The following PER2 variants were observed in gnomAD, a reference collection of about 807,000 sequenced individuals.
The protein encoded by PER2 is period circadian regulator 2, also known as period circadian protein homolog 2.
Under a neutral mutation model 121.0 loss-of-function variants are expected in PER2, and 66 were observed. That is an observed-to-expected ratio of 0.55 (90% confidence interval 0.45 to 0.67). The LOEUF is 0.67. PER2 is among the 30% of genes least tolerant of loss of function. The pLI, the probability that PER2 is intolerant of heterozygous loss-of-function variation, is 0.00. For synonymous variants in PER2, 684 were observed against 659.9 expected (o/e 1.04, Z -0.56); for missense variants, 1,521 against 1,635.0 (o/e 0.93, Z 1.20).
chr2:238,273,336 G>A (rs1240337871), intron 4 of PER2, 145 bp from the exon 5 acceptor site: 15 of 869,650 alleles, frequency 1.7e-5, no homozygotes, highest in Admixed American at 1.5e-4. Flanking sequence ...CAGAACATAC[G>A]GAAACGTGAA....
rs1201927712 is a variant in PER2 at position 238,268,551 on chromosome 2, A to G, written c.825-353T>C. ...CTCCTGACAGTGCAGCTGGATGCTC[A>G]ATCAGTCACCCTGGTTTGGACCAAG... On this transcript the variant is annotated intron_variant, in intron 7 of 22. Transcript: ENST00000254657. This position sits in a 1 kb window ranked among gnomAD's most constrained non-coding sequence, Gnocchi z 4.0. 1.3e-5 allele frequency among the ~76,000 whole-genome samples: 2 copies of G among 152,166 alleles called. No individual in the cohort carries two copies. The highest frequency in any genetic ancestry group is 4.8e-5 in the African/African-American group (2 of 41,432).
upstream of PER2, among the ~76,000 whole-genome samples, chr2:238,290,509 C>T (rs1464179143): frequency 6.6e-6 from 1 of 152,160 alleles, no homozygotes; most frequent in African/African-American, 2.4e-5. Context: ...AGCCTGCTAC[C>T]TGATGTCACA....
chr2:238,283,143 A>T (rs903432818), intron 1 of PER2, among the ~76,000 whole-genome samples: 2 of 152,214 alleles, frequency 1.3e-5, no homozygotes, highest in African/African-American at 4.8e-5. Context: ...GCTGGACAGG[A>T]GGCAAGGAGG....
chr2:238,266,731 T>A (rs1456807861), intron 8 of PER2, among the ~76,000 whole-genome samples: 1 of 152,178 alleles, frequency 6.6e-6, no homozygotes, highest in Non-Finnish European at 1.5e-5. Flanking sequence ...AAAATATTTC[T>A]ATCACTTTTA....
At chr2:238,257,375 T>G (rs906573503) in intron 16 of PER2, among the ~76,000 whole-genome samples, 24 of 152,238 alleles carry the variant, frequency 1.6e-4, no homozygotes, top group Non-Finnish European at 2.9e-4. Context: ...GCACACTTGG[T>G]GAGGGGCTCT....
intron 16 of PER2, 81 bp from the exon 17 acceptor site, chr2:238,257,167 C>G: frequency 7.6e-7 from 1 of 1,316,404 alleles, no homozygotes; most frequent in East Asian, 2.5e-5. Flanking sequence ...CCCAAGTGCC[C>G]ATACAGCTTC....
At chr2:238,291,713 G>C (rs902148656), upstream of PER2, among the ~76,000 whole-genome samples, 1 of 152,146 alleles carries the variant, frequency 6.6e-6, no homozygotes, top group African/African-American at 2.4e-5. Flanking sequence ...CTGACCTACG[G>C]CTGACCCCAG....
chr2:238,285,941 T>C (rs1024215676), intron 1 of PER2, among the ~76,000 whole-genome samples: 2 of 152,164 alleles, frequency 1.3e-5, no homozygotes, highest in African/African-American at 2.4e-5. Flanking sequence ...GAGAAAATGT[T>C]TGTCCTGCTA....
In PER2 at chr2:238,262,198, C is replaced by A; in HGVS notation, c.1300G>T (p.Val434Phe). 6.2e-7 allele frequency: 1 copy of A among 1,613,794 alleles called. No homozygotes were observed. Among genetic ancestry groups the A allele is most frequent in the Non-Finnish European group, 8.5e-7 (1 of 1,180,012 alleles). The change falls in exon 11 of 23, where the codon GTC becomes TTC. Residue 434 changes from valine (V) to phenylalanine (F), a missense_variant. Val to Phe is a conservative substitution (Grantham distance 50, BLOSUM62 -1). Transcript: ENST00000254657. ...KISFIIGRHK[V>F]RVGPLNEDVF... ...GGCCCTTGGAGCACTCACACCCTGA[C>A]TTTGTGCCTCCCAATGATGAAGGAG...
chr2:238,267,000 A>G (rs569410304), intron 8 of PER2, among the ~76,000 whole-genome samples: 25 of 151,464 alleles, frequency 1.7e-4, no homozygotes, highest in African/African-American at 6.1e-4. Flanking sequence ...GTGAGCCAAG[A>G]TAGCACCACT....
Position 238,288,384 on chromosome 2 carries a change from G to A in PER2, c.-55C>T, listed in dbSNP as rs921360512. Reference sequence around the variant, plus strand: ...TCAGGCTCCTGAGCTGCGAAGCGGGGGTTCGAGTCCCCAACCCTCGGTGTC... The same window carrying A: ...TCAGGCTCCTGAGCTGCGAAGCGGGAGTTCGAGTCCCCAACCCTCGGTGTC... On this transcript the variant is annotated 5_prime_UTR_variant, in exon 1 of 23. Coordinates refer to ENST00000254657, the MANE Select transcript of PER2 (RefSeq NM_022817.3). 1 of 152,284 alleles carries A rather than the reference G, an allele frequency of 6.6e-6. No homozygotes were observed. Among genetic ancestry groups the A allele is most frequent in the South Asian group, 2.1e-4 (1 of 4,836 alleles). The allele number at this position is 152,284 out of a possible 1,614,324, so 9.4% of individuals were successfully genotyped here. A position where few individuals can be genotyped will look rare whatever the true frequency, so the allele number is the denominator to read the frequency against.
chr2:238,286,506 G>C (rs1331121749), intron 1 of PER2, among the ~76,000 whole-genome samples: 2 of 152,228 alleles, frequency 1.3e-5, no homozygotes, highest in Non-Finnish European at 2.9e-5. Flanking sequence ...GGTCCCTAGG[G>C]GGGAGTGCGT....
intron 21 of PER2, among the ~76,000 whole-genome samples, chr2:238,250,067 A>G (rs1166979353): frequency 6.6e-6 from 1 of 152,202 alleles, no homozygotes; most frequent in African/African-American, 2.4e-5. Context: ...AAGGGACCAC[A>G]TGCAGTTCCC....
intron 4 of PER2, among the ~76,000 whole-genome samples, chr2:238,274,275 G>T (rs1044404416): frequency 3.9e-5 from 6 of 152,236 alleles, no homozygotes; most frequent in African/African-American, 1.4e-4. Flanking sequence ...CGGGAGCAAA[G>T]GGGCCAGCTC....
At chr2:238,278,604 C>T (rs1696533739) in intron 1 of PER2, among the ~76,000 whole-genome samples, 2 of 152,152 alleles carry the variant, frequency 1.3e-5, no homozygotes, top group African/African-American at 4.8e-5. Flanking sequence ...AGGTGATCTG[C>T]CTTTTATAAA....
the PER2 span, among the ~76,000 whole-genome samples, chr2:238,297,668 C>A: frequency 1.4e-4 from 22 of 152,166 alleles, no homozygotes; most frequent in African/African-American, 5.3e-4. Flanking sequence ...GAAGGGGGCC[C>A]AGATAGTCCC....
In PER2 at chr2:238,257,029, G is replaced by A. The variant is rs1052237520; in HGVS notation, c.1958C>T (p.Ser653Leu). ...SRTGVGTHLT[S>L]LALPGKAESV... is the part of the protein sequence containing the mutation. ...CTCTGCCTTGCCCGGCAGTGCCAGC[G>A]AGGTCAGGTGCGTACCTACTCCCGT... The change falls in exon 17 of 23, where the codon TCG (serine) becomes TTG (leucine). Residue 653 changes from serine (S) to leucine (L), a missense_variant. Physicochemically the swap from Ser to Leu is moderately radical, Grantham distance 145. Transcript: ENST00000254657. 13 of 1,613,254 alleles carry A rather than the reference G, an allele frequency of 8.1e-6. No individual in the cohort carries two copies. The highest frequency in any genetic ancestry group is 6.7e-5 in the African/African-American group (5 of 74,938).
rs1158545320 is a variant in PER2, at chr2:238,260,922, C to T, written c.1448G>A (p.Gly483Glu). 1 of 1,613,328 alleles carries T rather than the reference C, an allele frequency of 6.2e-7. No homozygotes were observed. ...GTGGGACCCGTTGCTGCCCAGACTCCCGTAGCCACTGGAGCCGCTGTGGGG... is the reference window on the plus strand; with the variant it reads ...GTGGGACCCGTTGCTGCCCAGACTCTCGTAGCCACTGGAGCCGCTGTGGGG... ...PVPHSGSSGYGSLGSNGSHEH... is the reference protein window; with the variant it reads ...PVPHSGSSGYESLGSNGSHEH... The change falls in exon 13 of 23, where the codon GGG becomes GAG. Residue 483 changes from glycine to glutamate, a missense_variant. Gly to Glu is a moderately conservative substitution (Grantham distance 98). Transcript: ENST00000254657.
At chr2:238,248,248 C>T (rs962419099) in intron 22 of PER2, among the ~76,000 whole-genome samples, 1 of 152,150 alleles carries the variant, frequency 6.6e-6, no homozygotes, top group Admixed American at 6.5e-5. Flanking sequence ...GTCCCTGGGA[C>T]GAGGACTGAG....
Sources: allele counts gnomAD v4.1 joint callset (sites outside exome capture counted in the v4.1 genomes callset), GRCh38; gene constraint gnomAD v4.1.1; non-coding constraint Gnocchi (gnomAD v3.1); transcripts MANE v1.5; gene names NCBI Gene and HGNC (gene_info 2026-07-23, HGNC 2026-07-21).